The following MAF variants were observed in gnomAD, a reference collection of about 807,000 sequenced individuals.
MAF encodes the protein transcription factor Maf.
A neutral mutation model predicts 22.0 loss-of-function variants in MAF; 10 were observed. The ratio of observed to expected loss-of-function variants is 0.45; its 90% CI spans 0.28 to 0.77. MAF has a LOEUF of 0.77. Ranked by LOEUF, MAF falls within the 30% of genes least tolerant of loss-of-function variation. MAF has a pLI of 0.12. For synonymous variants in MAF, 337 were observed against 255.8 expected (o/e 1.32, Z -3.03); for missense variants, 544 against 548.4 (o/e 0.99, Z 0.08).
At chr16:79,425,928 CA>C in the MAF span, among the ~76,000 whole-genome samples, 2 of 152,184 alleles carry the variant, frequency 1.3e-5, no homozygotes, top group Admixed American at 6.5e-5. Flanking sequence ...TAAGTTGGAC[CA>C]GGGGTGGTGG....
chr16:79,232,484 A>T, the MAF span, among the ~76,000 whole-genome samples: 1 of 152,016 alleles, frequency 6.6e-6, no homozygotes, highest in African/African-American at 2.4e-5. Context: ...AGAAACTTGG[A>T]GTCTTGATAC....
At chr16:79,580,573 A>T in the MAF span, among the ~76,000 whole-genome samples, 1 of 152,126 alleles carries the variant, frequency 6.6e-6, no homozygotes, top group African/African-American at 2.4e-5. Flanking sequence ...CGAAGGTCTG[A>T]TGAGTCTCCA....
chr16:79,584,598 A>G (rs534495683), downstream of MAF, among the ~76,000 whole-genome samples: 3 of 152,222 alleles, frequency 2.0e-5, no homozygotes, highest in Non-Finnish European at 4.4e-5. Flanking sequence ...CAATGTCACG[A>G]AACCTGCCAG....
chr16:79,415,824 G>C, the MAF span, among the ~76,000 whole-genome samples: 34 of 151,944 alleles, frequency 2.2e-4, 1 homozygote, highest in East Asian at 6.0e-3. Flanking sequence ...TTCCTTATCT[G>C]TAAAACAATG....
chr16:79,518,600 A>G, the MAF span, among the ~76,000 whole-genome samples: 7 of 152,358 alleles, frequency 4.6e-5, no homozygotes, highest in South Asian at 1.0e-3. Context: ...TTGGTGCCTC[A>G]GTTTCCACAT....
the MAF span, among the ~76,000 whole-genome samples, chr16:79,385,010 G>C: frequency 1.3e-5 from 2 of 152,314 alleles, no homozygotes; most frequent in Admixed American, 1.3e-4. Flanking sequence ...ACACCTTGGA[G>C]ACAGGATCAG....
chr16:79,527,342 A>T, the MAF span, among the ~76,000 whole-genome samples: 1 of 152,194 alleles, frequency 6.6e-6, no homozygotes, highest in Non-Finnish European at 1.5e-5. Context: ...AAATAACCTC[A>T]AAAAGAAAGC....
At chr16:79,437,567 C>T in the MAF span, among the ~76,000 whole-genome samples, 1 of 152,102 alleles carries the variant, frequency 6.6e-6, no homozygotes, top group Non-Finnish European at 1.5e-5. Context: ...ACATTCCACC[C>T]ATGTAGTCCC....
chr16:79,254,890 T>C, the MAF span, among the ~76,000 whole-genome samples: 5 of 152,222 alleles, frequency 3.3e-5, no homozygotes, highest in Non-Finnish European at 7.3e-5. Context: ...AACTTGTCTC[T>C]GATACATAGC....
the MAF span, among the ~76,000 whole-genome samples, chr16:79,308,014 G>A: frequency 6.6e-6 from 1 of 152,172 alleles, no homozygotes; most frequent in Non-Finnish European, 1.5e-5. Flanking sequence ...CATCTGCCAT[G>A]AGACCACCTG....
chr16:79,316,873 T>C, the MAF span, among the ~76,000 whole-genome samples: 1 of 152,146 alleles, frequency 6.6e-6, no homozygotes, highest in Non-Finnish European at 1.5e-5. Context: ...GAGGGTGAGG[T>C]TGGAGAAAGC....
downstream of MAF, among the ~76,000 whole-genome samples, chr16:79,583,977 C>T (rs1390739051): frequency 6.6e-6 from 1 of 151,946 alleles, no homozygotes; most frequent in Non-Finnish European, 1.5e-5. Context: ...TGTAACATGC[C>T]CTAATGAAAA....
the MAF span, among the ~76,000 whole-genome samples, chr16:79,567,249 C>T: frequency 0.99 from 150,491 of 152,176 alleles, 74,429 homozygotes; most frequent in East Asian, 1. Context: ...ACCCAGGAGA[C>T]AGAGGTTGCA....
the MAF span, among the ~76,000 whole-genome samples, chr16:79,352,272 T>C: frequency 6.6e-6 from 1 of 152,204 alleles, no homozygotes; most frequent in Non-Finnish European, 1.5e-5. Context: ...CCTGTTTCTG[T>C]CAATGCAAGA....
the MAF span, among the ~76,000 whole-genome samples, chr16:79,555,555 C>G: frequency 6.6e-6 from 1 of 152,158 alleles, no homozygotes; most frequent in Middle Eastern, 3.2e-3. Context: ...AAGATACCTG[C>G]AATACCACAC....
intron 1 of MAF, chr16:79,597,536 C>T: frequency 9.8e-7 from 1 of 1,022,990 alleles, no homozygotes; most frequent in South Asian, 4.6e-5. Flanking sequence ...AATGTGTAAC[C>T]CATTCTGGTA....
the MAF span, among the ~76,000 whole-genome samples, chr16:79,462,378 C>A: frequency 1.3e-5 from 2 of 152,140 alleles, no homozygotes; most frequent in African/African-American, 2.4e-5. Flanking sequence ...AACACTAGGT[C>A]CAATCTGCCT....
At chr16:79,487,291 G>C in the MAF span, among the ~76,000 whole-genome samples, 1 of 151,974 alleles carries the variant, frequency 6.6e-6, no homozygotes, top group Non-Finnish European at 1.5e-5. Context: ...ATAATAGTCA[G>C]AGTAGTGGTT....
chr16:79,583,413 C>A (rs1284884949), downstream of MAF, among the ~76,000 whole-genome samples: 2 of 152,102 alleles, frequency 1.3e-5, no homozygotes, highest in African/African-American at 2.4e-5. Context: ...GCTGTTTATA[C>A]CAGTTCCATC....
Sources: gnomAD v4.1 joint callset for allele counts (sites outside exome capture counted in the v4.1 genomes callset) on GRCh38, gnomAD v4.1.1 for gene constraint, MANE v1.5 for transcripts, NCBI Gene and HGNC (gene_info 2026-07-23, HGNC 2026-07-21) for gene names.